The following PCDHA8 variants were observed in gnomAD, a reference collection of about 807,000 sequenced individuals.
PCDHA8 encodes the protein protocadherin alpha-8.
Under a neutral mutation model 61.8 loss-of-function variants are expected in PCDHA8, and 53 were observed. That is an observed-to-expected ratio of 0.86 (90% CI 0.69 to 1.08). PCDHA8 has a LOEUF of 1.08. PCDHA8 is among the 50% of genes least tolerant of loss of function. PCDHA8 has a pLI of 0.00. For missense variants in PCDHA8, 1,293 were observed against 1,245.0 expected, an observed-to-expected ratio of 1.04 and a Z score of -0.58; for synonymous variants, 618 against 556.6, an observed-to-expected ratio of 1.11 and a Z score of -1.55.
chr5:140,969,600 C>CTAAAACACA, intron 1 of PCDHA8: 1 of 778,552 alleles, frequency 1.3e-6, no homozygotes, highest in South Asian at 2.1e-5. Flanking sequence ...ATATTTAATG[C>CTAAAACACA]TAAAACACAG....
intron 1 of PCDHA8, chr5:140,849,645 C>A: frequency 6.3e-7 from 1 of 1,598,746 alleles, no homozygotes; most frequent in Non-Finnish European, 8.6e-7. Flanking sequence ...TGCCAACGGG[C>A]AGGTTACCTG....
At position 140,850,667 on chromosome 5, in the gene PCDHA8, G is replaced by C. The variant is rs2150492921; in HGVS notation, c.2394+6952G>C. Reference sequence around the variant, plus strand: ...TGCTGTACACTGTGCTGCGGTGCTCGGCGATGCCCACCGAGGGCGAGTGCG... The same window carrying C: ...TGCTGTACACTGTGCTGCGGTGCTCCGCGATGCCCACCGAGGGCGAGTGCG... On this transcript the variant is annotated intron_variant, in intron 1 of 3. Transcript: ENST00000531613. 10 of 1,598,386 alleles carry C rather than the reference G, an allele frequency of 6.3e-6. No homozygotes were observed. The East Asian group carries it at 1.3e-4, about 21-fold the overall frequency.
chr5:141,009,716 C>A lies in PCDHA8; in HGVS notation c.2632C>A (p.Gln878Lys). Residue 878 changes from glutamine (Q) to lysine (K), a missense_variant, in exon 4 of 4, where the codon CAA becomes AAA. Transcript: ENST00000531613. ...TFKYGPGNPK[Q>K]SGPGELPDKF... is the part of the protein sequence containing the mutation. ...TAAATACGGACCAGGCAACCCCAAACAATCCGGTCCCGGTGAGTTGCCCGA... is the reference window on the plus strand; with the variant it reads ...TAAATACGGACCAGGCAACCCCAAAAAATCCGGTCCCGGTGAGTTGCCCGA... 3 of 1,614,168 alleles carry A rather than the reference C, an allele frequency of 1.9e-6. No homozygotes were observed. The highest frequency in any genetic ancestry group is 2.5e-6 in the Non-Finnish European group (3 of 1,180,034).
chr5:140,909,134 C>A (rs1337385284), intron 1 of PCDHA8, among the ~76,000 whole-genome samples: 3 of 152,140 alleles, frequency 2.0e-5, no homozygotes, highest in Non-Finnish European at 4.4e-5. Flanking sequence ...AGGTAATGAA[C>A]CAGTGTGATA....
At chr5:140,961,743 A>G (rs1585893660) in intron 1 of PCDHA8, among the ~76,000 whole-genome samples, 1 of 152,170 alleles carries the variant, frequency 6.6e-6, no homozygotes, top group East Asian at 1.9e-4. Flanking sequence ...CTTTAGTAAT[A>G]TTACAGTTTT....
chr5:140,843,586 G>T lies in PCDHA8; in HGVS notation c.2265G>T (p.Pro755=), dbSNP rs2150363126. The T allele has an allele frequency of 4.4e-6, 7 of 1,596,012 alleles. 1 individual carries two copies. Among genetic ancestry groups the T allele is most frequent in the African/African-American group, 1.3e-5 (1 of 74,542 alleles). Reference sequence around the variant, plus strand: ...GCTGGTCATACTCGCAACAACAGCCGCAGAGGGTGTGCTCTGGTGAGGGGC... The same window carrying T: ...GCTGGTCATACTCGCAACAACAGCCTCAGAGGGTGTGCTCTGGTGAGGGGC... ...VGSWSYSQQQ[P]QRVCSGEGPP... is the part of the protein sequence containing the mutation. The change falls in exon 1 of 4, where the codon CCG becomes CCT. Residue 755 remains proline, a synonymous_variant. Coordinates refer to ENST00000531613, the MANE Select transcript of PCDHA8 (RefSeq NM_018911.3).
intron 1 of PCDHA8, chr5:140,856,046 A>G (rs781911942): frequency 1.3e-6 from 2 of 1,582,372 alleles, no homozygotes; most frequent in East Asian, 2.2e-5. Flanking sequence ...AGAGAAGGAT[A>G]AGATGGTTTC....
chr5:140,850,443 C>T, intron 1 of PCDHA8: 4 of 1,597,988 alleles, frequency 2.5e-6, no homozygotes, highest in Non-Finnish European at 3.4e-6. Flanking sequence ...CCTACTGGTG[C>T]TGGTGAAAGA....
At chr5:140,878,993 G>A (rs369200128) in intron 1 of PCDHA8, among the ~76,000 whole-genome samples, 70 of 152,306 alleles carry the variant, frequency 4.6e-4, no homozygotes, top group African/African-American at 1.7e-3. Context: ...AGAAATGAGA[G>A]TATGCCCTAG....
At chr5:140,884,104 G>C in intron 1 of PCDHA8, 1 of 1,613,464 alleles carries the variant, frequency 6.2e-7, no homozygotes, top group African/African-American at 1.3e-5. Flanking sequence ...ATGAATTGCA[G>C]CTGGCGGCGG....
chr5:140,898,004 T>C (rs2066460029), intron 1 of PCDHA8, among the ~76,000 whole-genome samples: 1 of 152,210 alleles, frequency 6.6e-6, no homozygotes, highest in East Asian at 1.9e-4. Context: ...GAAGTGTCTG[T>C]TCATATCCTT....
intron 1 of PCDHA8, among the ~76,000 whole-genome samples, chr5:140,910,005 G>T (rs1554194067): frequency 1.3e-5 from 2 of 152,212 alleles, no homozygotes; most frequent in African/African-American, 4.8e-5. Flanking sequence ...ATTGTTGTCA[G>T]TGTCATCCTT....
At chr5:140,852,972 G>T (rs530736735) in intron 1 of PCDHA8, 1 of 376,636 alleles carries the variant, frequency 2.7e-6, no homozygotes, top group Non-Finnish European at 3.8e-6. Context: ...TCCCCCTCCC[G>T]TGTTCACGCC....
Position 140,842,525 on chromosome 5 carries a change from A to G in PCDHA8, c.1204A>G (p.Lys402Glu). Residue 402 changes from lysine to glutamate, a missense_variant, in exon 1 of 4, where the codon AAG becomes GAG. By Grantham distance (56) the Lys-to-Glu change is moderately conservative. Transcript: ENST00000531613. ...HVPFKLVSTFKNYYSLVLDSA... is the reference protein window; with the variant it reads ...HVPFKLVSTFENYYSLVLDSA... ...CCCCTTCAAGCTGGTGTCCACCTTC[A>G]AGAATTACTACTCGTTGGTGCTGGA... 1 of 1,613,292 alleles carries G rather than the reference A, an allele frequency of 6.2e-7. No individual in the cohort carries two copies. Among genetic ancestry groups the G allele is most frequent in the Non-Finnish European group, 8.5e-7 (1 of 1,179,330 alleles).
intron 1 of PCDHA8, chr5:140,929,668 A>G (rs1554207270): frequency 3.1e-6 from 1 of 324,518 alleles, no homozygotes; most frequent in East Asian, 5.3e-5. Flanking sequence ...AAAGTGAAGA[A>G]TGAAAAATAT....
intron 1 of PCDHA8, chr5:140,883,009 T>C (rs782092684): frequency 1.2e-6 from 2 of 1,614,126 alleles, no homozygotes; most frequent in South Asian, 2.2e-5. Flanking sequence ...AATCCGTTTA[T>C]AAAGTGACGG....
chr5:140,968,813 A>T, intron 1 of PCDHA8: 2 of 1,614,194 alleles, frequency 1.2e-6, no homozygotes, highest in Non-Finnish European at 1.7e-6. Context: ...TGTGGTGGAT[A>T]GGGTTTCCAA....
rs1231451796 is a variant in PCDHA8, at chr5:140,869,049, G to T, written c.2394+25334G>T. On this transcript the variant is annotated intron_variant, in intron 1 of 3. Coordinates refer to ENST00000531613, the MANE Select transcript of PCDHA8 (RefSeq NM_018911.3). ...ACGAGATTTTTAACCTGAAACTGAA[G>T]AATCTGGTACTGTAAGTGTAAAGAA... 1.1e-5 allele frequency: 17 copies of T among 1,532,472 alleles called. No homozygotes were observed. The South Asian group carries it at 2.1e-4, about 19-fold the overall frequency. 94.9% of individuals were successfully genotyped at this position (1,532,472 alleles called of 1,614,324 possible).
chr5:140,849,687 G>T, intron 1 of PCDHA8: 1 of 1,598,686 alleles, frequency 6.3e-7, no homozygotes. Context: ...CTTCAAGCTG[G>T]TGTCCACCTA....
Sources: allele counts gnomAD v4.1 joint callset (sites outside exome capture counted in the v4.1 genomes callset), GRCh38; gene constraint gnomAD v4.1.1; transcripts MANE v1.5; gene names NCBI Gene and HGNC (gene_info 2026-07-23, HGNC 2026-07-21).